ACOT2: variants seen among roughly 807,000 people sequenced by gnomAD.
ACOT2 encodes acyl-CoA thioesterase 2, also known as acyl-coenzyme A thioesterase 2, mitochondrial.
A neutral mutation model predicts 20.1 loss-of-function variants in ACOT2; 15 were observed. That is an observed-to-expected ratio of 0.75 (90% CI 0.50 to 1.15). The LOEUF (loss-of-function observed/expected upper bound fraction) is 1.15. Ranked by LOEUF, ACOT2 falls within the 50% of genes most tolerant of loss-of-function variation. The probability of loss-of-function intolerance (pLI) is 0.00; values close to 1 mark genes in which losing one functional copy is unlikely to be tolerated. For missense variants in ACOT2, 479 were observed against 615.3 expected (o/e 0.78, Z 2.34); for synonymous variants, 252 against 268.4 (o/e 0.94, Z 0.60).
intron 2 of ACOT2, 90 bp from the exon 3 acceptor site, chr14:73,574,818 G>C: frequency 6.3e-7 from 1 of 1,599,080 alleles, no homozygotes; most frequent in Non-Finnish European, 8.5e-7. Context: ...TTCAGACTCA[G>C]GTTCAACTAA....
chr14:73,572,720 A>T lies in ACOT2; in HGVS notation c.644-668A>T, dbSNP rs377186507. Among the ~76,000 whole-genome samples the T allele has an allele frequency of 2.3e-3, 330 of 143,312 alleles. 5 individuals carry two copies. Among genetic ancestry groups the T allele is most frequent in the African/African-American group, 8.3e-3 (323 of 38,942 alleles). 94.0% of individuals were successfully genotyped at this position (143,312 alleles called of 152,430 possible). On this transcript the variant is annotated intron_variant, in intron 1 of 2. Coordinates refer to ENST00000238651, the MANE Select transcript of ACOT2 (RefSeq NM_006821.6). ...TGGAGTAGTGGCACAATCTTGGCTC[A>T]CTGCAACCTCCACCTCCCGGGTTCA...
rs1241779004 is a variant in ACOT2 at position 73,575,114 on chromosome 14, T to C, written c.1053T>C (p.Tyr351=). 7.4e-7 allele frequency: 1 copy of C among 1,350,834 alleles called. No individual in the cohort carries two copies. Among genetic ancestry groups the C allele is most frequent in the East Asian group, 2.6e-5 (1 of 38,960 alleles). The allele number at this position is 1,350,834 out of a possible 1,614,324, so 83.7% of individuals were successfully genotyped here. The change falls in exon 3 of 3, where the codon TAT becomes TAC. Residue 351 remains tyrosine (Y), a synonymous_variant. Coordinates refer to ENST00000238651, the MANE Select transcript of ACOT2 (RefSeq NM_006821.6). ...RNRIKVTKDG[Y]ADIVDVLNSP... ...GCATCAAGGTGACCAAAGATGGCTA[T>C]GCAGACATTGTGGATGTCCTGAACA... is the stretch of plus-strand genomic sequence containing the variant.
chr14:73,570,925 A>G (rs1595169625), intron 1 of ACOT2, among the ~76,000 whole-genome samples: 1 of 147,058 alleles, frequency 6.8e-6, no homozygotes, highest in Admixed American at 6.8e-5. Context: ...AAAAAAATTC[A>G]GGTAGTTTCA....
Position 73,569,237 on chromosome 14 carries a change from G to A in ACOT2, c.-4G>A, listed in dbSNP as rs1175404362. 1 of 1,612,944 alleles carries A rather than the reference G, an allele frequency of 6.2e-7. No individual in the cohort carries two copies. The highest frequency in any genetic ancestry group is 1.3e-5 in the African/African-American group (1 of 74,902). ...CGCTTAGCCTGCGACGGCAGCCCGA[G>A]AGGATGTCTAACAAGCTTCTTTCTC... On this transcript the variant is annotated 5_prime_UTR_variant, in exon 1 of 3. Transcript: ENST00000238651.
intron 1 of ACOT2, chr14:73,571,734 G>T (rs572476842): frequency 3.9e-5 from 6 of 152,010 alleles, no homozygotes; most frequent in Admixed American, 6.6e-5. Context: ...GATCCTAGGG[G>T]TATGGGGCCC....
chr14:73,574,410 A>G (rs55771167), intron 2 of ACOT2: 29,236 of 226,924 alleles, frequency 0.13, 2,736 homozygotes, highest in African/African-American at 0.35. Flanking sequence ...GACTACAGGC[A>G]CGTGCCACTA....
upstream of ACOT2, among the ~76,000 whole-genome samples, chr14:73,568,354 A>G (rs1423956915): frequency 6.8e-6 from 1 of 146,424 alleles, no homozygotes; most frequent in Non-Finnish European, 1.5e-5. Flanking sequence ...TAAGTGATGA[A>G]AAAAAAAAAC....
chr14:73,573,537 C>T lies in ACOT2; in HGVS notation c.793C>T (p.Leu265Phe). The T allele has an allele frequency of 1.2e-6, 2 of 1,613,652 alleles. No individual in the cohort carries two copies. The highest frequency in any genetic ancestry group is 2.2e-5 in the East Asian group (1 of 44,868). ...AGACCTCCCCAAGACCATGGAGACGCTCCATCTGGAGTACTTTGAAGAAGC... is the reference window on the plus strand; with the variant it reads ...AGACCTCCCCAAGACCATGGAGACGTTCCATCTGGAGTACTTTGAAGAAGC... ...YEDLPKTMET[L>F]HLEYFEEAMN... The change falls in exon 2 of 3, where the codon CTC (leucine) becomes TTC (phenylalanine). Residue 265 changes from leucine (L) to phenylalanine (F), a missense_variant. Physicochemically the swap from Leu to Phe is conservative, Grantham distance 22 (BLOSUM62 0). Transcript: ENST00000238651.
At position 73,569,821 on chromosome 14, in the gene ACOT2, C is replaced by G. The variant is rs751364371; in HGVS notation, c.581C>G (p.Pro194Arg). The change falls in exon 1 of 3, where the codon CCC (proline) becomes CGC (arginine). Residue 194 changes from proline to arginine, a missense_variant. By Grantham distance (103) the Pro-to-Arg change is moderately radical. Transcript: ENST00000238651. ...QTRHERYFLP[P>R]GVRREPVRVG... The stretch of plus-strand genomic sequence containing the variant: ...CGGCACGAGCGCTACTTCCTCCCGC[C>G]CGGGGTGCGGCGCGAGCCGGTGCGC... 6.4e-5 allele frequency: 102 copies of G among 1,599,772 alleles called. 2 individuals are homozygous for G. Among genetic ancestry groups the G allele is most frequent in the Non-Finnish European group, 8.6e-5 (101 of 1,174,498 alleles).
chr14:73,568,419 C>T (rs1349871466), upstream of ACOT2, among the ~76,000 whole-genome samples: 3 of 151,336 alleles, frequency 2.0e-5, no homozygotes, highest in Non-Finnish European at 4.4e-5. Flanking sequence ...AAGCGCGATG[C>T]ATGGGGAGCT....
chr14:73,574,708 G>C (rs1291533162), intron 2 of ACOT2, among the ~76,000 whole-genome samples, 200 bp from the exon 3 acceptor site: 6 of 152,062 alleles, frequency 3.9e-5, no homozygotes, highest in Non-Finnish European at 7.4e-5. Flanking sequence ...CTTCCACATG[G>C]TTATCACCAA....
chr14:73,575,432 G>T lies in ACOT2; in HGVS notation c.1371G>T (p.Gln457His). The change falls in exon 3 of 3, where the codon CAG (glutamine) becomes CAT (histidine). Residue 457 changes from glutamine (Q) to histidine (H), a missense_variant. Coordinates refer to ENST00000238651, the MANE Select transcript of ACOT2 (RefSeq NM_006821.6). ...AGCCCAGGGCTCATGCCATGGCTCA[G>T]GTGGATGCTTGGAAACAACTCCAGA... ...GGEPRAHAMAQVDAWKQLQTF... is the reference protein window; with the variant it reads ...GGEPRAHAMAHVDAWKQLQTF... The T allele has an allele frequency of 1.4e-6, 2 of 1,382,654 alleles. No homozygotes were observed. The highest frequency in any genetic ancestry group is 1.9e-6 in the Non-Finnish European group (2 of 1,035,892). 85.6% of individuals were successfully genotyped at this position (1,382,654 alleles called of 1,614,324 possible). A position where few individuals can be genotyped will look rare whatever the true frequency, so the allele number is the denominator to read the frequency against.
intron 1 of ACOT2, among the ~76,000 whole-genome samples, chr14:73,570,741 C>A (rs905757866): frequency 2.0e-5 from 3 of 151,540 alleles, no homozygotes; most frequent in African/African-American, 7.3e-5. Flanking sequence ...CCCATCTCTA[C>A]TAAAAATAGA....
rs1369828214 is a variant in ACOT2, at chr14:73,569,791, A to G, written c.551A>G (p.Gln184Arg). The G allele has an allele frequency of 8.0e-3, 12,596 of 1,571,772 alleles. 639 individuals are homozygous for G. The highest frequency in any genetic ancestry group is 8.9e-3 in the South Asian group (796 of 89,930). The change falls in exon 1 of 3, where the codon CAG (glutamine) becomes CGG (arginine). Residue 184 changes from glutamine to arginine, a missense_variant. Physicochemically the swap from Gln to Arg is conservative, Grantham distance 43. This residue lies in a region of ACOT2 where 400 missense variants were observed against 395.5 expected (regional missense o/e 1.01). Transcript: ENST00000238651. ...HDPDPGRLLC[Q>R]TRHERYFLPP... Reference sequence around the variant, plus strand: ...CCCGACCCCGGGCGGCTGCTGTGCCAGACGCGGCACGAGCGCTACTTCCTC... The same window carrying G: ...CCCGACCCCGGGCGGCTGCTGTGCCGGACGCGGCACGAGCGCTACTTCCTC...
rs757419846 is a variant in ACOT2, at chr14:73,569,314, C to T, written c.74C>T (p.Pro25Leu). Residue 25 changes from proline (P) to leucine (L), a missense_variant, in exon 1 of 3, where the codon CCT becomes CTT. Physicochemically the swap from Pro to Leu is moderately conservative, Grantham distance 98. Transcript: ENST00000238651. ...LRSEFKMASS[P>L]AVLRASRLYQ... ...TCTGAATTCAAAATGGCCTCATCTCCTGCTGTCCTTCGAGCGTCCCGGCTG... is the reference window on the plus strand; with the variant it reads ...TCTGAATTCAAAATGGCCTCATCTCTTGCTGTCCTTCGAGCGTCCCGGCTG... 2 of 1,613,962 alleles carry T rather than the reference C, an allele frequency of 1.2e-6. No homozygotes were observed. Among genetic ancestry groups the T allele is most frequent in the Admixed American group, 1.7e-5 (1 of 60,014 alleles).
chr14:73,573,309 G>GT, intron 1 of ACOT2, 79 bp from the exon 2 acceptor site: 2 of 1,595,400 alleles, frequency 1.3e-6, no homozygotes, highest in Admixed American at 1.7e-5. Context: ...CACATGTGTG[G>GT]TAAGTATATG....
chr14:73,569,971 C>CT (rs1173334753), intron 1 of ACOT2, 88 bp downstream of exon 1: 1 of 1,395,266 alleles, frequency 7.2e-7, no homozygotes, highest in Non-Finnish European at 9.3e-7. Context: ...TATGTGTATG[C>CT]CCCCCCGCCG....
chr14:73,574,798 A>G (rs1889845737), intron 2 of ACOT2, 110 bp from the exon 3 acceptor site: 4 of 1,569,678 alleles, frequency 2.5e-6, no homozygotes, highest in South Asian at 1.2e-5. Context: ...GGTAAATGGT[A>G]GAACCTAGAT....
rs1259621538 is a variant in ACOT2 at position 73,575,423 on chromosome 14, C to T, written c.1362C>T (p.Ala454=). ...GGGGAGGGGAGCCCAGGGCTCATGC[C>T]ATGGCTCAGGTGGATGCTTGGAAAC... ...IIWGGEPRAH[A]MAQVDAWKQL... Residue 454 remains alanine (A), a synonymous_variant, in exon 3 of 3, where the codon GCC becomes GCT. Transcript: ENST00000238651. The T allele has an allele frequency of 6.6e-6, 9 of 1,360,318 alleles. No homozygotes were observed. Among genetic ancestry groups the T allele is most frequent in the Middle Eastern group, 2.6e-4 (1 of 3,862 alleles). The allele number at this position is 1,360,318 out of a possible 1,614,324, so 84.3% of individuals were successfully genotyped here.
Sources: allele counts gnomAD v4.1 joint callset (sites outside exome capture counted in the v4.1 genomes callset), GRCh38; gene constraint gnomAD v4.1.1; regional missense constraint gnomAD v4.1.1; transcripts MANE v1.5; gene names NCBI Gene and HGNC (gene_info 2026-07-23, HGNC 2026-07-21).